The following BCKDHB variants were observed in gnomAD, a reference collection of about 807,000 sequenced individuals.
BCKDHB encodes the protein branched chain keto acid dehydrogenase E1 subunit beta, also known as 2-oxoisovalerate dehydrogenase subunit beta, mitochondrial.
In BCKDHB, 41 loss-of-function variants were observed where a neutral mutation model predicts 48.5. That is an observed-to-expected ratio of 0.85 (90% confidence interval 0.66 to 1.10). The LOEUF (loss-of-function observed/expected upper bound fraction) is 1.10. BCKDHB is among the 50% of genes least tolerant of loss of function. The pLI is 0.00. For synonymous variants in BCKDHB, 201 were observed against 174.8 expected (o/e 1.15, Z -1.18); for missense variants, 496 against 494.2 (o/e 1.00, Z -0.03).
chr6:80,316,396 C>CT (rs1049848451), intron 9 of BCKDHB, among the ~76,000 whole-genome samples: 12 of 151,630 alleles, frequency 7.9e-5, no homozygotes, highest in South Asian at 4.2e-4. Flanking sequence ...TTTTCAAAGC[C>CT]TTTTTTTCCT....
At chr6:80,338,262 T>A (rs1769697647) in intron 9 of BCKDHB, among the ~76,000 whole-genome samples, 2 of 152,240 alleles carry the variant, frequency 1.3e-5, no homozygotes, top group Admixed American at 1.3e-4. Flanking sequence ...TTTTTTAAAG[T>A]GTGTATACGT....
intron 8 of BCKDHB, among the ~76,000 whole-genome samples, chr6:80,258,409 T>C (rs183584309): frequency 3.7e-4 from 56 of 152,294 alleles, no homozygotes; most frequent in African/African-American, 1.2e-3. Context: ...CCAGAGGAAA[T>C]ATTCAACAAA....
At chr6:80,408,203 C>G in the BCKDHB span, among the ~76,000 whole-genome samples, 1 of 152,128 alleles carries the variant, frequency 6.6e-6, no homozygotes, top group Non-Finnish European at 1.5e-5. Flanking sequence ...AGGTATGAAG[C>G]TGAGTTGATT....
the BCKDHB span, among the ~76,000 whole-genome samples, chr6:80,395,887 G>A: frequency 6.6e-6 from 1 of 152,172 alleles, no homozygotes; most frequent in Admixed American, 6.5e-5. Flanking sequence ...GGATAAAAGG[G>A]GCCAGCATAC....
the BCKDHB span, among the ~76,000 whole-genome samples, chr6:80,399,570 C>A: frequency 1.3e-5 from 2 of 152,156 alleles, no homozygotes; most frequent in East Asian, 3.9e-4. Flanking sequence ...AGGAGAACTA[C>A]AAAACATTGC....
At chr6:80,384,033 C>A in the BCKDHB span, among the ~76,000 whole-genome samples, 1 of 89,638 alleles carries the variant, frequency 1.1e-5, no homozygotes, top group Admixed American at 1.5e-4. Flanking sequence ...TAGTTTTTTT[C>A]CCCCAGGAAG....
At chr6:80,202,032 T>C (rs1774420564) in intron 7 of BCKDHB, among the ~76,000 whole-genome samples, 1 of 152,116 alleles carries the variant, frequency 6.6e-6, no homozygotes, top group Non-Finnish European at 1.5e-5. Flanking sequence ...TTGTCCTTGG[T>C]GGGTGTGGCA....
intron 8 of BCKDHB, among the ~76,000 whole-genome samples, chr6:80,207,103 G>A (rs1304095974): frequency 1.3e-5 from 2 of 151,950 alleles, no homozygotes; most frequent in East Asian, 3.8e-4. Flanking sequence ...GCTCCCTTTG[G>A]CAGAAGGAAA....
At chr6:80,320,923 A>G (rs1379796073) in intron 9 of BCKDHB, among the ~76,000 whole-genome samples, 1 of 152,190 alleles carries the variant, frequency 6.6e-6, no homozygotes, top group Non-Finnish European at 1.5e-5. Context: ...TAAACCTTCA[A>G]TAATCTCATA....
chr6:80,106,647 A>T (rs752265477), upstream of BCKDHB: 3 of 1,537,380 alleles, frequency 2.0e-6, no homozygotes, highest in African/African-American at 4.1e-5. Context: ...CCCTCCCCGC[A>T]GGCGGCGTGC....
At chr6:80,408,627 T>G in the BCKDHB span, among the ~76,000 whole-genome samples, 1 of 152,130 alleles carries the variant, frequency 6.6e-6, no homozygotes, top group South Asian at 2.1e-4. Context: ...TTTCTAGATT[T>G]TCTAGGTTAT....
At chr6:80,149,434 A>G (rs1375389187) in intron 3 of BCKDHB, among the ~76,000 whole-genome samples, 1 of 152,208 alleles carries the variant, frequency 6.6e-6, no homozygotes, top group Non-Finnish European at 1.5e-5. Flanking sequence ...ACCTAGAACT[A>G]GAAATACCAT....
intron 3 of BCKDHB, among the ~76,000 whole-genome samples, chr6:80,132,103 T>C (rs1770658614): frequency 6.6e-6 from 1 of 152,156 alleles, no homozygotes; most frequent in South Asian, 2.1e-4. Flanking sequence ...GTTGTTTCTC[T>C]TAAGCCCCCT....
chr6:80,239,928 C>A (rs952366326), intron 8 of BCKDHB, among the ~76,000 whole-genome samples: 1 of 152,188 alleles, frequency 6.6e-6, no homozygotes, highest in East Asian at 1.9e-4. Context: ...TGTGGTGTTA[C>A]TTCTGAGGGC....
At chr6:80,212,564 C>T (rs1268723770) in intron 8 of BCKDHB, among the ~76,000 whole-genome samples, 1 of 152,094 alleles carries the variant, frequency 6.6e-6, no homozygotes, top group African/African-American at 2.4e-5. Context: ...ACATGTTTTA[C>T]AATCAATTTA....
chr6:80,169,105 C>A, intron 5 of BCKDHB, 75 bp downstream of exon 5: 1 of 1,542,724 alleles, frequency 6.5e-7, no homozygotes, highest in Non-Finnish European at 8.9e-7. Context: ...AATATCTATG[C>A]TTATCTAGAG....
chr6:80,286,182 C>T (rs994870512), intron 9 of BCKDHB, among the ~76,000 whole-genome samples: 1 of 151,980 alleles, frequency 6.6e-6, no homozygotes, highest in African/African-American at 2.4e-5. Flanking sequence ...CAGCACAATA[C>T]ATAATTAAGA....
chr6:80,163,522 G>A (rs1446135530), intron 3 of BCKDHB, among the ~76,000 whole-genome samples: 2 of 152,070 alleles, frequency 1.3e-5, no homozygotes, highest in African/African-American at 4.8e-5. Context: ...CAACTTGGCT[G>A]ATTTATGTCT....
chr6:80,136,676 G>T (rs946021300), intron 3 of BCKDHB, among the ~76,000 whole-genome samples: 2 of 151,970 alleles, frequency 1.3e-5, no homozygotes, highest in African/African-American at 4.8e-5. Flanking sequence ...TTCACAGAAT[G>T]GGAGAAAATA....
Sources: gnomAD v4.1 joint callset for allele counts (sites outside exome capture counted in the v4.1 genomes callset) on GRCh38, gnomAD v4.1.1 for gene constraint, MANE v1.5 for transcripts, NCBI Gene and HGNC (gene_info 2026-07-23, HGNC 2026-07-21) for gene names.